MACROD2: variants seen among roughly 807,000 people sequenced by gnomAD.
MACROD2 encodes the protein ADP-ribose glycohydrolase MACROD2.
In MACROD2, 36 loss-of-function variants were observed where a neutral mutation model predicts 70.4. The observed-to-expected ratio is 0.51, with a 90% CI of 0.39 to 0.68. The LOEUF is 0.68. Ranked by LOEUF, MACROD2 falls within the 30% of genes least tolerant of loss-of-function variation. The pLI, the probability that MACROD2 is intolerant of heterozygous loss-of-function variation, is 0.00. For missense variants in MACROD2, 496 were observed against 538.4 expected, an observed-to-expected ratio of 0.92 and a Z score of 0.78; for synonymous variants, 172 against 178.8, an observed-to-expected ratio of 0.96 and a Z score of 0.30.
intron 6 of MACROD2, among the ~76,000 whole-genome samples, chr20:15,386,161 G>A (rs1694092369): frequency 2.0e-5 from 3 of 152,146 alleles, no homozygotes; most frequent in East Asian, 3.9e-4. Context: ...TGATGTCCTA[G>A]TAGAGGTGAT....
At chr20:15,911,357 C>T (rs2065234740) in intron 10 of MACROD2, among the ~76,000 whole-genome samples, 1 of 152,198 alleles carries the variant, frequency 6.6e-6, no homozygotes, top group Non-Finnish European at 1.5e-5. Context: ...TCATTGAATT[C>T]TTGTGTCTTG....
At chr20:15,936,675 A>G (rs993409812) in intron 11 of MACROD2, among the ~76,000 whole-genome samples, 1 of 149,772 alleles carries the variant, frequency 6.7e-6, no homozygotes, top group African/African-American at 2.5e-5. Context: ...ATGTGTGTAT[A>G]TATATATATA....
chr20:15,707,181 T>C (rs1414112751), intron 8 of MACROD2, among the ~76,000 whole-genome samples: 1 of 152,180 alleles, frequency 6.6e-6, no homozygotes, highest in African/African-American at 2.4e-5. Context: ...ACTCACCTGA[T>C]CCTGGGTGAC....
At chr20:14,818,421 G>C (rs2072798192) in intron 5 of MACROD2, among the ~76,000 whole-genome samples, 1 of 152,062 alleles carries the variant, frequency 6.6e-6, no homozygotes, top group Non-Finnish European at 1.5e-5. Context: ...GCTGGTCTCT[G>C]AGTACCCCCC....
At chr20:15,158,447 T>A (rs527750662) in intron 5 of MACROD2, among the ~76,000 whole-genome samples, 5 of 152,274 alleles carry the variant, frequency 3.3e-5, no homozygotes, top group South Asian at 4.1e-4. Flanking sequence ...GTGAGAAAAT[T>A]GAATACCACA....
intron 4 of MACROD2, among the ~76,000 whole-genome samples, chr20:14,584,871 G>A (rs1460800813): frequency 2.6e-5 from 4 of 152,092 alleles, no homozygotes; most frequent in Non-Finnish European, 4.4e-5. Flanking sequence ...CTTATTAAAG[G>A]CTTGTTGAAT....
intron 5 of MACROD2, among the ~76,000 whole-genome samples, chr20:15,131,586 A>C (rs531060486): frequency 2.5e-4 from 38 of 152,242 alleles, no homozygotes; most frequent in African/African-American, 8.9e-4. Context: ...TACAGGAAGT[A>C]AATATTGTAA....
At chr20:15,070,337 T>G (rs2075609066) in intron 5 of MACROD2, among the ~76,000 whole-genome samples, 1 of 152,082 alleles carries the variant, frequency 6.6e-6, no homozygotes, top group Non-Finnish European at 1.5e-5. Flanking sequence ...TTTGGACTTT[T>G]GAGTTAATGC....
chr20:14,446,318 A>AT (rs1300626359), intron 3 of MACROD2, among the ~76,000 whole-genome samples: 1 of 152,104 alleles, frequency 6.6e-6, no homozygotes, highest in Non-Finnish European at 1.5e-5. Context: ...ACTTATCACC[A>AT]TTTATAGATG....
chr20:15,758,194 G>A (rs753890365), intron 8 of MACROD2, among the ~76,000 whole-genome samples: 5 of 151,558 alleles, frequency 3.3e-5, no homozygotes, highest in Non-Finnish European at 7.4e-5. Flanking sequence ...ATATGATAAG[G>A]GTGTCTCAGA....
At chr20:15,755,033 A>G (rs1188663127) in intron 8 of MACROD2, among the ~76,000 whole-genome samples, 3 of 151,706 alleles carry the variant, frequency 2.0e-5, no homozygotes, top group Non-Finnish European at 2.9e-5. Context: ...TAATTTTTGT[A>G]TTTTTCATAG....
chr20:14,622,091 ATTATT>A (rs559938028), intron 4 of MACROD2, among the ~76,000 whole-genome samples: 56 of 152,268 alleles, frequency 3.7e-4, no homozygotes, highest in Middle Eastern at 3.4e-3. Context: ...ATTGTATTAC[ATTATT>A]TTATTTAACA....
At chr20:14,430,694 T>C (rs1260100439) in intron 3 of MACROD2, among the ~76,000 whole-genome samples, 1 of 152,162 alleles carries the variant, frequency 6.6e-6, no homozygotes, top group African/African-American at 2.4e-5. Flanking sequence ...TGGTCAGGCC[T>C]ATAGTGTGTC....
intron 8 of MACROD2, among the ~76,000 whole-genome samples, chr20:15,821,871 G>A (rs2147103411): frequency 6.6e-6 from 1 of 152,198 alleles, no homozygotes; most frequent in East Asian, 1.9e-4. Flanking sequence ...AGTCCCCTGT[G>A]GATACCGAGG....
chr20:14,981,281 T>C (rs1473898804), intron 5 of MACROD2, among the ~76,000 whole-genome samples: 1 of 152,104 alleles, frequency 6.6e-6, no homozygotes, highest in Non-Finnish European at 1.5e-5. Context: ...TCCCAGCTTT[T>C]GCAAATGCCA....
chr20:15,443,309 GA>G (rs35597889), intron 7 of MACROD2, among the ~76,000 whole-genome samples: 1 of 86,094 alleles, frequency 1.2e-5, no homozygotes, highest in Non-Finnish European at 2.1e-5. Flanking sequence ...ATATTACAGA[GA>G]AAGAGAGAGA....
intron 6 of MACROD2, among the ~76,000 whole-genome samples, chr20:15,397,033 T>C (rs563411908): frequency 7.9e-5 from 12 of 152,354 alleles, no homozygotes; most frequent in African/African-American, 2.6e-4. Flanking sequence ...CAAAACGTAG[T>C]TAAGGCAAAA....
intron 4 of MACROD2, among the ~76,000 whole-genome samples, chr20:14,579,499 A>G (rs997635886): frequency 5.3e-5 from 8 of 152,354 alleles, no homozygotes; most frequent in African/African-American, 1.9e-4. Flanking sequence ...TTTTATAATC[A>G]GATTGAAAAT....
chr20:14,892,075 G>T (rs761375322), intron 5 of MACROD2, among the ~76,000 whole-genome samples: 2 of 152,098 alleles, frequency 1.3e-5, no homozygotes, highest in African/African-American at 4.8e-5. Flanking sequence ...TGGATTGAAG[G>T]TTTCGATAGT....
Sources: allele counts gnomAD v4.1 joint callset (sites outside exome capture counted in the v4.1 genomes callset), GRCh38; gene constraint gnomAD v4.1.1; transcripts MANE v1.5; gene names NCBI Gene and HGNC (gene_info 2026-07-23, HGNC 2026-07-21).